MACROD2: variants seen among roughly 807,000 people sequenced by gnomAD.
MACROD2 encodes the protein mono-ADP ribosylhydrolase 2.
Under a neutral mutation model 70.4 loss-of-function variants are expected in MACROD2, and 36 were observed. The ratio of observed to expected loss-of-function variants is 0.51; its 90% CI spans 0.39 to 0.68. MACROD2 has a LOEUF of 0.68. Among genes scored for constraint, MACROD2 ranks in the 30% least tolerant of loss-of-function variants. MACROD2 has a pLI of 0.00. For missense variants in MACROD2, 496 were observed against 538.4 expected, an observed-to-expected ratio of 0.92 and a Z score of 0.78; for synonymous variants, 172 against 178.8, an observed-to-expected ratio of 0.96 and a Z score of 0.30.
chr20:14,737,257 T>A (rs2071677703), intron 5 of MACROD2, among the ~76,000 whole-genome samples: 1 of 152,176 alleles, frequency 6.6e-6, no homozygotes, highest in Non-Finnish European at 1.5e-5. Flanking sequence ...TCCAGCATCA[T>A]CCATGTCCCT....
chr20:15,662,727 T>TC (rs1342332688), intron 8 of MACROD2, among the ~76,000 whole-genome samples: 1 of 148,050 alleles, frequency 6.8e-6, no homozygotes, highest in Non-Finnish European at 1.5e-5. Context: ...TTTTTTTTTT[T>TC]CTGTCTGTTG....
chr20:14,355,725 T>A (rs570064881), intron 3 of MACROD2, among the ~76,000 whole-genome samples: 1 of 152,280 alleles, frequency 6.6e-6, no homozygotes, highest in South Asian at 2.1e-4. Flanking sequence ...TATCTCTGAG[T>A]ATTGTTATGC....
At chr20:15,378,046 T>A (rs898787254) in intron 6 of MACROD2, among the ~76,000 whole-genome samples, 2 of 151,660 alleles carry the variant, frequency 1.3e-5, no homozygotes, top group East Asian at 3.9e-4. Flanking sequence ...AATTAGATGA[T>A]GGGTTAATGG....
chr20:14,990,698 G>A (rs2074895265), intron 5 of MACROD2, among the ~76,000 whole-genome samples: 1 of 151,732 alleles, frequency 6.6e-6, no homozygotes, highest in South Asian at 2.1e-4. Flanking sequence ...ATTTTTAGTA[G>A]AGGCGGGGTT....
chr20:15,172,076 T>C (rs907370980), intron 5 of MACROD2, among the ~76,000 whole-genome samples: 4 of 152,190 alleles, frequency 2.6e-5, no homozygotes, highest in Admixed American at 1.3e-4. Context: ...AGACCTAAGC[T>C]CAAGATGGTT....
rs193108902 is a variant in MACROD2 at position 15,428,813 on chromosome 20, T to C, written c.541-2592T>C. ...GATCTGTCTTGTGTCAATTTAATTA[T>C]CAGCCACAACTGAAAAACTCTAGGA... On this transcript the variant is annotated intron_variant, in intron 6 of 17. Transcript: ENST00000684519. 3.7e-4 allele frequency among the ~76,000 whole-genome samples: 57 copies of C among 152,300 alleles called. 2 individuals are homozygous for C. The highest frequency in any genetic ancestry group is 3.3e-3 in the Admixed American group (50 of 15,290).
intron 8 of MACROD2, among the ~76,000 whole-genome samples, chr20:15,703,276 A>G (rs2050486418): frequency 1.3e-5 from 2 of 152,182 alleles, no homozygotes; most frequent in South Asian, 2.1e-4. Flanking sequence ...CATGACCACT[A>G]CTATATCTTC....
intron 7 of MACROD2, among the ~76,000 whole-genome samples, chr20:15,470,186 A>C (rs1179203483): frequency 6.6e-6 from 1 of 152,116 alleles, no homozygotes; most frequent in Non-Finnish European, 1.5e-5. Context: ...AGTAGCTGAG[A>C]TTACAGGCAT....
At chr20:15,344,058 T>C (rs1263055086) in intron 6 of MACROD2, among the ~76,000 whole-genome samples, 1 of 152,166 alleles carries the variant, frequency 6.6e-6, no homozygotes, top group African/African-American at 2.4e-5. Context: ...GTCGTTGAGG[T>C]ATGCACAGTT....
chr20:14,618,476 A>G (rs6042823), intron 4 of MACROD2, among the ~76,000 whole-genome samples: 5,285 of 152,210 alleles, frequency 0.035, 314 homozygotes, highest in African/African-American at 0.12. Context: ...TACCCGAGTT[A>G]ACTTGGGAAA....
chr20:14,710,580 A>G (rs1600572055), intron 5 of MACROD2, among the ~76,000 whole-genome samples: 3 of 152,192 alleles, frequency 2.0e-5, no homozygotes, highest in Non-Finnish European at 2.9e-5. Flanking sequence ...TTTACATGTT[A>G]TTGACTGAGC....
At chr20:15,911,324 C>G (rs939505328) in intron 10 of MACROD2, among the ~76,000 whole-genome samples, 1 of 152,158 alleles carries the variant, frequency 6.6e-6, no homozygotes, top group Non-Finnish European at 1.5e-5. Flanking sequence ...TATTCTAGTT[C>G]GTCGTCAGTA....
Position 14,594,455 on chromosome 20 carries a change from A to T in MACROD2, c.302-90388A>T, listed in dbSNP as rs752311741. On this transcript the variant is annotated intron_variant, in intron 4 of 17. Transcript: ENST00000684519. ...TACGTTAAAATTGTATTAATTTTTTAAAATTTTCCCTATCTGCAAATATGT... is the reference window on the plus strand; with the variant it reads ...TACGTTAAAATTGTATTAATTTTTTTAAATTTTCCCTATCTGCAAATATGT... 2.6e-5 allele frequency among the ~76,000 whole-genome samples: 4 copies of T among 152,256 alleles called. 1 individual carries two copies. Among genetic ancestry groups the T allele is most frequent in the South Asian group, 4.1e-4 (2 of 4,830 alleles).
At chr20:16,036,085 C>T (rs2067231473) in intron 15 of MACROD2, among the ~76,000 whole-genome samples, 1 of 151,964 alleles carries the variant, frequency 6.6e-6, no homozygotes, top group South Asian at 2.1e-4. Flanking sequence ...CAAAAGTTGT[C>T]AAGGTGGTTC....
intron 5 of MACROD2, among the ~76,000 whole-genome samples, chr20:14,832,256 C>T (rs1312206798): frequency 6.6e-6 from 1 of 151,404 alleles, no homozygotes; most frequent in East Asian, 1.9e-4. Context: ...GTATTAGCCT[C>T]GAGTTCTTTA....
intron 8 of MACROD2, among the ~76,000 whole-genome samples, chr20:15,746,148 C>T (rs773278294): frequency 1.1e-4 from 17 of 151,932 alleles, no homozygotes; most frequent in Admixed American, 4.6e-4. Context: ...TTATAATTCA[C>T]GAACAATGTA....
At chr20:14,853,691 A>G (rs2122324190) in intron 5 of MACROD2, among the ~76,000 whole-genome samples, 1 of 152,234 alleles carries the variant, frequency 6.6e-6, no homozygotes, top group African/African-American at 2.4e-5. Context: ...TAGAGTTATG[A>G]TGGCTTACAT....
chr20:15,534,229 A>G (rs1021233567), intron 8 of MACROD2, among the ~76,000 whole-genome samples: 3 of 152,216 alleles, frequency 2.0e-5, no homozygotes, highest in African/African-American at 7.2e-5. Context: ...TGTTTGCTAC[A>G]TGTAGACACA....
chr20:14,734,532 C>A (rs1441124677), intron 5 of MACROD2, among the ~76,000 whole-genome samples: 10 of 103,680 alleles, frequency 9.6e-5, no homozygotes, highest in Admixed American at 1.0e-4. Context: ...AAAACAAAAA[C>A]AAAAACAAAA....
Sources: gnomAD v4.1 joint callset for allele counts (sites outside exome capture counted in the v4.1 genomes callset) on GRCh38, gnomAD v4.1.1 for gene constraint, MANE v1.5 for transcripts, NCBI Gene and HGNC (gene_info 2026-07-23, HGNC 2026-07-21) for gene names.